Variants in SPPL2B observed in about 807,000 individuals in gnomAD.
SPPL2B encodes the protein signal peptide peptidase-like 2B.
SPPL2B carries 39 observed loss-of-function variants against 59.7 expected under a neutral mutation model. The observed-to-expected ratio is 0.65, with a 90% CI of 0.51 to 0.85. The LOEUF (loss-of-function observed/expected upper bound fraction) is 0.85. Among genes scored for constraint, SPPL2B ranks in the 40% least tolerant of loss-of-function variants. The probability of loss-of-function intolerance (pLI) is 0.00; values close to 1 mark genes in which losing one functional copy is unlikely to be tolerated. For missense variants in SPPL2B, 865 were observed against 849.0 expected (o/e 1.02, Z -0.23); for synonymous variants, 419 against 370.8 (o/e 1.13, Z -1.49).
Position 2,340,983 on chromosome 19 carries a change from G to C in SPPL2B, c.925G>C (p.Val309Leu). The C allele has an allele frequency of 6.2e-7, 1 of 1,604,862 alleles. No individual in the cohort carries two copies. Among genetic ancestry groups the C allele is most frequent in the African/African-American group, 1.3e-5 (1 of 75,030 alleles). ...GGCGCTCTTCTGCGTGGCCGTCAGC[G>C]TGGTGTGGGGCGTCTTCCGCAACGA... ...LLALFCVAVS[V>L]VWGVFRNEDQ... is the part of the protein sequence containing the mutation. The change falls in exon 8 of 15, where the codon GTG becomes CTG. Residue 309 changes from valine (V) to leucine (L), a missense_variant. Val to Leu is a conservative substitution (Grantham distance 32). Transcript: ENST00000613503.
At chr19:2,328,904 C>G in intron 1 of SPPL2B, 129 bp downstream of exon 1, 3 of 826,008 alleles carry the variant, frequency 3.6e-6, no homozygotes, top group South Asian at 3.5e-5. Flanking sequence ...CCGCCGTCCC[C>G]GCGTTGTCGG....
chr19:2,336,349 ATG>A (rs1334662537), intron 2 of SPPL2B, among the ~76,000 whole-genome samples: 9 of 151,706 alleles, frequency 5.9e-5, no homozygotes, highest in African/African-American at 1.7e-4. Context: ...GGATGTGTGC[ATG>A]TGTCTGCACA....
Position 2,343,250 on chromosome 19 carries a change from C to T in SPPL2B, c.996C>T (p.Phe332=). 1.9e-6 allele frequency: 3 copies of T among 1,556,912 alleles called. No individual in the cohort carries two copies. The highest frequency in any genetic ancestry group is 2.6e-6 in the Non-Finnish European group (3 of 1,149,892). Residue 332 remains phenylalanine (F), a synonymous_variant, in exon 9 of 15, where the codon TTC becomes TTT. Transcript: ENST00000613503. The part of the protein sequence containing the change: ...WVLQDALGIA[F]CLYMLKTIRL... ...TCCAGGATGCCCTGGGCATCGCCTT[C>T]TGCCTCTACATGCTGAAGACCATCC... is the stretch of plus-strand genomic sequence containing the variant.
intron 13 of SPPL2B, 113 bp from the exon 14 acceptor site, chr19:2,351,321 G>A (rs889550796): frequency 1.6e-5 from 13 of 824,958 alleles, no homozygotes; most frequent in Non-Finnish European, 2.3e-5. Flanking sequence ...TACCTCTCCC[G>A]TCCTCGCACA....
At chr19:2,339,778 C>A (rs752041011) in intron 5 of SPPL2B, 46 bp from the exon 6 acceptor site, 5 of 1,583,948 alleles carry the variant, frequency 3.2e-6, no homozygotes, top group Non-Finnish European at 4.3e-6. Flanking sequence ...AGCCCCGTGT[C>A]GGCCAGCCGG....
At chr19:2,336,729 A>G (rs946454090) in intron 2 of SPPL2B, among the ~76,000 whole-genome samples, 11 of 148,288 alleles carry the variant, frequency 7.4e-5, no homozygotes. Context: ...TATGTGTGCC[A>G]TGTGGTCCGG....
At position 2,354,482 on chromosome 19, in the gene SPPL2B, C is replaced by G. The variant is rs1970084403; in HGVS notation, c.*1273C>G. On this transcript the variant is annotated 3_prime_UTR_variant, in exon 15 of 15. Transcript: ENST00000613503. The stretch of plus-strand genomic sequence containing the variant: ...TGAGTGCGGCCTCCAGACTCGAGTC[C>G]AGAATCTGTTTCTGTCAAGTCAGTC... The G allele has an allele frequency of 6.6e-6, 1 of 152,298 alleles. No homozygotes were observed. Among genetic ancestry groups the G allele is most frequent in the African/African-American group, 2.4e-5 (1 of 41,454 alleles). 9.4% of individuals were successfully genotyped at this position (152,298 alleles called of 1,614,324 possible).
chr19:2,351,295 G>A lies in SPPL2B; in HGVS notation c.1355-139G>A, dbSNP rs764617853. 77 of 680,002 alleles carry A rather than the reference G, an allele frequency of 1.1e-4. No homozygotes were observed. In the East Asian group the frequency reaches 1.6e-3, roughly 14 times the overall value. 42.1% of individuals were successfully genotyped at this position (680,002 alleles called of 1,614,324 possible). ...ACTTTGGGGAGCCTGTGGCCCTGCCGGCTGAACCCCCACTGTACCTCTCCC... is the reference window on the plus strand; with the variant it reads ...ACTTTGGGGAGCCTGTGGCCCTGCCAGCTGAACCCCCACTGTACCTCTCCC... On this transcript the variant is annotated intron_variant, in intron 13 of 14. Transcript: ENST00000613503.
intron 3 of SPPL2B, 28 bp downstream of exon 3, chr19:2,337,653 C>A: frequency 6.6e-7 from 1 of 1,519,078 alleles, no homozygotes; most frequent in Non-Finnish European, 8.8e-7. Flanking sequence ...CCCCGCTGGG[C>A]CAGCTCTCAG....
intron 13 of SPPL2B, among the ~76,000 whole-genome samples, chr19:2,350,408 C>T (rs967007577): frequency 1.8e-5 from 2 of 110,130 alleles, no homozygotes; most frequent in South Asian, 3.1e-4. Context: ...CGCTTGATTC[C>T]GTTCTCTCTC....
chr19:2,340,005 G>A lies in SPPL2B; in HGVS notation c.742+39G>A, dbSNP rs763884734. 3.3e-5 allele frequency: 51 copies of A among 1,554,418 alleles called. 2 individuals carry two copies. The South Asian group carries it at 4.4e-4, about 13-fold the overall frequency. On this transcript the variant is annotated intron_variant, in intron 6 of 14. Coordinates refer to ENST00000613503, the MANE Select transcript of SPPL2B (RefSeq NM_152988.3). ...GGCGGGTGGGCCGCGGCGTGGAGAT[G>A]CAGCCCGCCCCGTGCGGAGGGAGGG... is the stretch of plus-strand genomic sequence containing the variant.
chr19:2,340,972 T>C lies in SPPL2B; in HGVS notation c.914T>C (p.Val305Ala), dbSNP rs370088261. ...ATGCTGCTCCTGGCGCTCTTCTGCG[T>C]GGCCGTCAGCGTGGTGTGGGGCGTC... ...ARMLLLALFC[V>A]AVSVVWGVFR... The change falls in exon 8 of 15, where the codon GTG becomes GCG. Residue 305 changes from valine to alanine, a missense_variant. Coordinates refer to ENST00000613503, the MANE Select transcript of SPPL2B (RefSeq NM_152988.3). 61 of 1,604,910 alleles carry C rather than the reference T, an allele frequency of 3.8e-5. 3 individuals carry two copies. The African/African-American group carries it at 7.5e-4, about 20-fold the overall frequency.
At chr19:2,351,625 A>G (rs760832899) in intron 14 of SPPL2B, 31 bp downstream of exon 14, 20 of 1,587,704 alleles carry the variant, frequency 1.3e-5, no homozygotes, top group Non-Finnish European at 1.5e-5. Flanking sequence ...ACTGTGAGAA[A>G]TACTCGCCTA....
intron 14 of SPPL2B, among the ~76,000 whole-genome samples, chr19:2,352,471 G>T (rs1266523905): frequency 6.6e-6 from 1 of 152,170 alleles, no homozygotes; most frequent in Admixed American, 6.5e-5. Context: ...CGTCCCTGCC[G>T]CACTGGTGTG....
intron 8 of SPPL2B, chr19:2,341,725 A>G (rs1969070537): frequency 2.4e-6 from 1 of 412,848 alleles, no homozygotes. Context: ...AATATTTTGA[A>G]TCCTTTGTAC....
rs1968326650 is a variant in SPPL2B, at chr19:2,332,232, A to C, written c.67-2370A>C. On this transcript the variant is annotated intron_variant, in intron 1 of 14. Transcript: ENST00000613503. This position sits in a 1 kb window ranked among gnomAD's most constrained non-coding sequence, Gnocchi z 4.6. ...GACCGGGGCTCCGTGGGCTTTCACC[A>C]TGCTGCCACCCCGAGGTCACCAGGG... 6.6e-6 allele frequency among the ~76,000 whole-genome samples: 1 copy of C among 152,150 alleles called. No homozygotes were observed. Among genetic ancestry groups the C allele is most frequent in the African/African-American group, 2.4e-5 (1 of 41,422 alleles).
chr19:2,347,337 C>T (rs1179358500), intron 13 of SPPL2B, among the ~76,000 whole-genome samples: 17 of 62,700 alleles, frequency 2.7e-4, no homozygotes, highest in Non-Finnish European at 4.5e-4. Flanking sequence ...TCTCATTCGC[C>T]TGATTCCGTT....
Position 2,354,012 on chromosome 19 carries a change from T to C in SPPL2B, c.*803T>C, listed in dbSNP as rs1970064635. ...AAGCAGGGGTGGGCGCCAGGCAGGC[T>C]GGGTCAGGCCCTCAGGGGTCCCTGG... On this transcript the variant is annotated 3_prime_UTR_variant, in exon 15 of 15. Transcript: ENST00000613503. The C allele has an allele frequency of 1.3e-5, 2 of 152,242 alleles. No individual in the cohort carries two copies. Among genetic ancestry groups the C allele is most frequent in the East Asian group, 3.9e-4 (2 of 5,158 alleles). 9.4% of individuals were successfully genotyped at this position (152,242 alleles called of 1,614,324 possible).
rs1014693774 is a variant in SPPL2B at position 2,332,748 on chromosome 19, C to G, written c.67-1854C>G. ...GGTTTTTCTTCTGGGACCCCTCCTC[C>G]CTGTGCAGGCCGGGCTCCCCTGGGG... On this transcript the variant is annotated intron_variant, in intron 1 of 14. Coordinates refer to ENST00000613503, the MANE Select transcript of SPPL2B (RefSeq NM_152988.3). This position sits in a 1 kb window ranked among gnomAD's most constrained non-coding sequence, Gnocchi z 4.6. 6.6e-6 allele frequency among the ~76,000 whole-genome samples: 1 copy of G among 152,156 alleles called. No individual in the cohort carries two copies. The highest frequency in any genetic ancestry group is 6.5e-5 in the Admixed American group (1 of 15,278).
Sources: gnomAD v4.1 joint callset for allele counts (sites outside exome capture counted in the v4.1 genomes callset) on GRCh38, gnomAD v4.1.1 for gene constraint, Gnocchi (gnomAD v3.1) non-coding constraint, MANE v1.5 for transcripts, NCBI Gene and HGNC (gene_info 2026-07-23, HGNC 2026-07-21) for gene names.